SPTAN1: variants seen among roughly 807,000 people sequenced by gnomAD.
SPTAN1 encodes the protein spectrin alpha, non-erythrocytic 1.
Under a neutral mutation model 331.3 loss-of-function variants are expected in SPTAN1, and 61 were observed. The observed-to-expected ratio is 0.18, with a 90% CI of 0.15 to 0.23. The LOEUF is 0.23. SPTAN1 is among the 10% of genes least tolerant of loss of function. The pLI, the probability that SPTAN1 is intolerant of heterozygous loss-of-function variation, is 1.00. For synonymous variants in SPTAN1, 1,153 were observed against 1,173.9 expected, an observed-to-expected ratio of 0.98 and a Z score of 0.36; for missense variants, 2,043 against 3,147.9, an observed-to-expected ratio of 0.65 and a Z score of 8.40.
At chr9:128,555,461 G>T (rs1848526567) in intron 1 of SPTAN1, 3 of 1,234,828 alleles carry the variant, frequency 2.4e-6, no homozygotes, top group Non-Finnish European at 3.2e-6. Flanking sequence ...TGCAGTGAAG[G>T]CATATTCGTG....
chr9:128,623,422 A>C (rs949883346), intron 45 of SPTAN1, among the ~76,000 whole-genome samples: 1 of 151,552 alleles, frequency 6.6e-6, no homozygotes. Flanking sequence ...AAATAATACT[A>C]ATGAATATAT....
chr9:128,607,202 C>T (rs184626371), intron 31 of SPTAN1, among the ~76,000 whole-genome samples: 197 of 151,806 alleles, frequency 1.3e-3, no homozygotes, highest in African/African-American at 4.6e-3. Flanking sequence ...CAGGGTTGCA[C>T]CACATTGCCC....
intron 18 of SPTAN1, 25 bp downstream of exon 18, chr9:128,584,868 G>C: frequency 6.2e-7 from 1 of 1,614,150 alleles, no homozygotes; most frequent in South Asian, 1.1e-5. Flanking sequence ...TCAGTGACAT[G>C]GCTTGGTGCT....
chr9:128,623,622 A>ATTTTTTTT (rs777632874), intron 45 of SPTAN1, among the ~76,000 whole-genome samples: 30 of 117,110 alleles, frequency 2.6e-4, no homozygotes, highest in Non-Finnish European at 3.3e-4. Flanking sequence ...AACCTGGCTA[A>ATTTTTTTT]TTTTTTTTTT....
chr9:128,630,501 C>T (rs1859532129), intron 52 of SPTAN1, 126 bp downstream of exon 52: 2 of 874,194 alleles, frequency 2.3e-6, no homozygotes, highest in South Asian at 1.4e-5. Flanking sequence ...TTCCCTTGGC[C>T]TAAAGCAGTC....
chr9:128,570,336 T>A (rs1408776676), intron 3 of SPTAN1, among the ~76,000 whole-genome samples: 249 of 8,980 alleles, frequency 0.028, 1 homozygote, highest in African/African-American at 0.052. Context: ...ATATATTTTT[T>A]TTTTTTTTTT....
intron 3 of SPTAN1, among the ~76,000 whole-genome samples, chr9:128,570,326 ATATATTTTTT>A (rs869301219): frequency 3.6e-3 from 154 of 43,102 alleles, no homozygotes; most frequent in East Asian, 0.017. Flanking sequence ...ATATATATAT[ATATATTTTTT>A]TTTTTTTTTT....
Position 128,609,134 on chromosome 9 carries a change from G to A in SPTAN1, c.4608G>A (p.Leu1536=). 1 of 1,614,214 alleles carries A rather than the reference G, an allele frequency of 6.2e-7. No homozygotes were observed. Among genetic ancestry groups the A allele is most frequent in the Non-Finnish European group, 8.5e-7 (1 of 1,180,044 alleles). ...RNEVLDRWRR[L]KAQMIEKRSK... ...TTCACTCTTTCAGGTGGCGACGTCT[G>A]AAAGCCCAGATGATTGAGAAAAGGT... Residue 1536 remains leucine (L), a synonymous_variant, in exon 36 of 57, where the codon CTG becomes CTA. Coordinates refer to ENST00000372739, the MANE Select transcript of SPTAN1 (RefSeq NM_001130438.3).
chr9:128,613,276 A>C, intron 39 of SPTAN1, 105 bp from the exon 40 acceptor site: 2 of 875,284 alleles, frequency 2.3e-6, no homozygotes, highest in Non-Finnish European at 3.8e-6. Context: ...GAAGTATTCA[A>C]CTGTCCAAGC....
rs138985089 is a variant in SPTAN1, at chr9:128,632,880, C to T, written c.7233C>T (p.Ser2411=). 116 of 1,614,000 alleles carry T rather than the reference C, an allele frequency of 7.2e-5. 1 individual carries two copies. The African/African-American group carries it at 1.2e-3, about 17-fold the overall frequency. The part of the protein sequence containing the change: ...ISRETENVKS[S]EEIESAFRAL... ...GCGAAACTGAGAACGTCAAGTCCAG[C>T]GAGGAGATTGAGAGCGCCTTCCGGG... Residue 2411 remains serine, a synonymous_variant, in exon 56 of 57, where the codon AGC becomes AGT. Transcript: ENST00000372739.
chr9:128,576,188 C>A (rs1010999002), intron 5 of SPTAN1, among the ~76,000 whole-genome samples: 18 of 152,108 alleles, frequency 1.2e-4, no homozygotes, highest in Non-Finnish European at 2.2e-4. Flanking sequence ...CATTTTATTA[C>A]TTTGTATCAT....
rs1206501132 is a variant in SPTAN1, at chr9:128,589,750, TA to T, written c.3006+808del. Among the ~76,000 whole-genome samples, 3 of 151,534 alleles carry T rather than the reference TA, an allele frequency of 2.0e-5. No homozygotes were observed. The East Asian group carries it at 5.8e-4, about 30-fold the overall frequency. Reference sequence around the variant, plus strand: ...GCCACCACGCCCGGCTAATTTTTTGTATTTTTAGTAGAGACGGGGTTTCACC... The same window carrying T: ...GCCACCACGCCCGGCTAATTTTTTGTTTTTTAGTAGAGACGGGGTTTCACC... On this transcript the variant is annotated intron_variant, in intron 21 of 56. Transcript: ENST00000372739.
intron 1 of SPTAN1, among the ~76,000 whole-genome samples, chr9:128,558,761 C>T (rs2050629): frequency 0.97 from 148,047 of 152,310 alleles, 72,102 homozygotes; most frequent in East Asian, 1. Context: ...CATGCAGCCT[C>T]GGTTGTGGAA....
At chr9:128,628,189 G>A (rs1345466121) in intron 51 of SPTAN1, 5 of 673,250 alleles carry the variant, frequency 7.4e-6, no homozygotes, top group African/African-American at 3.5e-5. Context: ...CGATTCCAAG[G>A]GCTCACTTTG....
intron 46 of SPTAN1, chr9:128,624,760 G>A (rs1858477938): frequency 1.9e-5 from 11 of 566,222 alleles, no homozygotes; most frequent in Non-Finnish European, 2.2e-5. Context: ...GTCATGGCAT[G>A]AACAAAGTTG....
chr9:128,630,427 C>T lies in SPTAN1; in HGVS notation c.6762+52C>T, dbSNP rs547822778. The T allele has an allele frequency of 2.5e-6, 4 of 1,576,118 alleles. No individual in the cohort carries two copies. The South Asian group carries it at 4.4e-5, about 17-fold the overall frequency. On this transcript the variant is annotated intron_variant, in intron 52 of 56. Coordinates refer to ENST00000372739, the MANE Select transcript of SPTAN1 (RefSeq NM_001130438.3). ...GCAGAGACCCTTCACCCAGCCACCC[C>T]CCAGGGTACCCCTTCCCTTCCTGGC...
chr9:128,612,484 G>A (rs377690550), intron 39 of SPTAN1, among the ~76,000 whole-genome samples: 19 of 152,200 alleles, frequency 1.2e-4, no homozygotes, highest in African/African-American at 4.6e-4. Flanking sequence ...CATAGGGAAG[G>A]CAAATAGGAA....
At chr9:128,609,594 G>T in intron 36 of SPTAN1, 57 bp from the exon 37 acceptor site, 1 of 1,402,564 alleles carries the variant, frequency 7.1e-7, no homozygotes. Context: ...TTTAATAGCT[G>T]ATATGTGTGT....
intron 20 of SPTAN1, among the ~76,000 whole-genome samples, chr9:128,588,521 G>A (rs1041929846): frequency 1.3e-5 from 2 of 151,600 alleles, no homozygotes; most frequent in Admixed American, 1.3e-4. Flanking sequence ...ATGTTGGTCA[G>A]GCTGGTCTCG....
Sources: gnomAD v4.1 joint callset for allele counts (sites outside exome capture counted in the v4.1 genomes callset) on GRCh38, gnomAD v4.1.1 for gene constraint, MANE v1.5 for transcripts, NCBI Gene and HGNC (gene_info 2026-07-23, HGNC 2026-07-21) for gene names.